Variants in PRRT4 observed in about 807,000 individuals in gnomAD.
The protein encoded by PRRT4 is proline-rich transmembrane protein 4.
In PRRT4, 59 loss-of-function variants were observed where a neutral mutation model predicts 55.6. The ratio of observed to expected loss-of-function variants is 1.06; its 90% CI spans 0.86 to 1.32. PRRT4 has a LOEUF of 1.32. PRRT4 is among the 40% of genes most tolerant of loss of function. The pLI is 0.00. For synonymous variants in PRRT4, 606 were observed against 601.8 expected, an observed-to-expected ratio of 1.01 and a Z score of -0.10; for missense variants, 1,217 against 1,222.0, an observed-to-expected ratio of 1.00 and a Z score of 0.06.
chr7:128,361,662 C>G (rs1435817578), exon 1 of PRRT4: 2 of 152,500 alleles, frequency 1.3e-5, no homozygotes, highest in African/African-American at 4.8e-5. Flanking sequence ...CGAAGCCGCC[C>G]GCGCCGGGGC....
upstream of PRRT4, chr7:128,361,731 TCTC>T (rs775740611): frequency 8.5e-4 from 127 of 149,490 alleles, no homozygotes; most frequent in Admixed American, 2.7e-3. Context: ...CCGCGCCCTC[TCTC>T]CTCCTCCTCC....
intron 4 of PRRT4, among the ~76,000 whole-genome samples, chr7:128,355,486 G>A (rs1228535269): frequency 3.3e-5 from 5 of 152,090 alleles, no homozygotes; most frequent in Non-Finnish European, 7.3e-5. Context: ...GTGAGCCACC[G>A]CGCCCGGCCA....
At chr7:128,351,873 G>C in exon 5 of PRRT4, 3 of 1,332,598 alleles carry the variant, frequency 2.3e-6, no homozygotes, top group Non-Finnish European at 2.9e-6. Context: ...CCGCCACCGG[G>C]GCCGTGCGCG....
intron 4 of PRRT4, among the ~76,000 whole-genome samples, chr7:128,353,757 T>C (rs1248328906): frequency 6.6e-6 from 1 of 152,192 alleles, no homozygotes; most frequent in Non-Finnish European, 1.5e-5. Flanking sequence ...GGGGACATCA[T>C]AGTGGGATAA....
At chr7:128,359,538 T>G (rs1337483589) in exon 2 of PRRT4, 1 of 1,484,718 alleles carries the variant, frequency 6.7e-7, no homozygotes, top group Admixed American at 2.5e-5. Flanking sequence ...CAGGTCACAG[T>G]GCTCCTCCTG....
chr7:128,351,412 T>A (rs1796963007), exon 5 of PRRT4: 1 of 1,538,230 alleles, frequency 6.5e-7, no homozygotes, highest in South Asian at 1.2e-5. Context: ...CACGGTGTAA[T>A]CGCTGCAGGG....
intron 1 of PRRT4, 91 bp from the exon 3 acceptor site, chr7:128,360,154 C>G (rs1194581382): frequency 2.0e-6 from 1 of 503,952 alleles, no homozygotes; most frequent in Non-Finnish European, 3.1e-6. Flanking sequence ...CTTCTGATCT[C>G]AGAGAAGCAG....
intron 4 of PRRT4, among the ~76,000 whole-genome samples, chr7:128,357,209 TACAC>T (rs763703914): frequency 1.3e-4 from 16 of 127,184 alleles, no homozygotes; most frequent in African/African-American, 4.4e-4. Flanking sequence ...TTGATACAAA[TACAC>T]ACACACACAC....
chr7:128,358,988 G>A lies in PRRT4; in HGVS notation c.757+161C>T, dbSNP rs187243766. On this transcript the variant is annotated intron_variant, in intron 3 of 4. Transcript: ENST00000535159. This position sits in a 1 kb window ranked among gnomAD's most constrained non-coding sequence, Gnocchi z 4.4. ...CAAAGAGCAAACCAGATTCAGTATG[G>A]CAAAGAGAATACTCCTTCCGTGGAA... Among the ~76,000 whole-genome samples, 46 of 152,312 alleles carry A rather than the reference G, an allele frequency of 3.0e-4. No homozygotes were observed. The highest frequency in any genetic ancestry group is 1.5e-5 in the Non-Finnish European group (1 of 68,026).
chr7:128,359,354 C>T (rs140509335), exon 2 of PRRT4: 110 of 1,475,928 alleles, frequency 7.5e-5, no homozygotes, highest in Admixed American at 3.8e-4. Context: ...GGGTCCCAGG[C>T]GCCCAGCAAT....
Position 128,351,677 on chromosome 7 carries a change from G to A in PRRT4, c.1879C>T (p.Pro627Ser), listed in dbSNP as rs532318746. Residue 627 changes from proline to serine, a missense_variant, in exon 5 of 5, where the codon CCT (proline) becomes TCT (serine). By Grantham distance (74) the Pro-to-Ser change is moderately conservative. Coordinates refer to ENST00000535159, the Ensembl canonical transcript of PRRT4. ...GCCCAGCAGCGCGGCGGCACGCGAG[G>A]ACTGCAGAGCGCCGGGTAGAGGCCC... The A allele has an allele frequency of 1.3e-4, 192 of 1,512,536 alleles. 1 individual carries two copies. In the South Asian group the frequency reaches 2.2e-3, roughly 17 times the overall value. The allele number at this position is 1,512,536 out of a possible 1,614,324, so 93.7% of individuals were successfully genotyped here.
At chr7:128,352,440 C>T (rs1478713189) in exon 5 of PRRT4, 1 of 1,537,640 alleles carries the variant, frequency 6.5e-7, no homozygotes, top group Non-Finnish European at 8.7e-7. Flanking sequence ...GGCCGAAGAG[C>T]GCGCCTACCC....
chr7:128,352,438 A>G, exon 5 of PRRT4: 1 of 1,537,654 alleles, frequency 6.5e-7, no homozygotes, highest in East Asian at 2.4e-5. Flanking sequence ...CAGGCCGAAG[A>G]GCGCGCCTAC....
intron 1 of PRRT4, among the ~76,000 whole-genome samples, chr7:128,360,991 A>C (rs983231681): frequency 5.1e-4 from 76 of 149,284 alleles, no homozygotes; most frequent in African/African-American, 1.6e-3. Context: ...GCGCGCGCAC[A>C]CACACACACA....
In PRRT4 at chr7:128,358,604, C is replaced by T. The variant is rs2116489248; in HGVS notation, c.877+77G>A. The stretch of plus-strand genomic sequence containing the variant: ...TGATGACAATGAAATAAAAGGGTCC[C>T]AGAACACTGATGAGTGACTAGCATG... On this transcript the variant is annotated intron_variant, in intron 4 of 4. Transcript: ENST00000535159. The surrounding 1 kb of genome is among the most constrained non-coding windows in gnomAD (Gnocchi z 4.4). The T allele has an allele frequency of 7.8e-7, 1 of 1,289,854 alleles. No homozygotes were observed. The highest frequency in any genetic ancestry group is 1.1e-6 in the Non-Finnish European group (1 of 915,168). 79.9% of individuals were successfully genotyped at this position (1,289,854 alleles called of 1,614,324 possible).
chr7:128,360,084 G>T, intron 1 of PRRT4, 21 bp from the exon 3 acceptor site: 1 of 1,062,276 alleles, frequency 9.4e-7, no homozygotes. Context: ...GAGAGGCCCT[G>T]TGAGCCCTGG....
exon 2 of PRRT4, chr7:128,359,399 G>C: frequency 6.8e-7 from 1 of 1,465,914 alleles, no homozygotes; most frequent in Non-Finnish European, 9.0e-7. Flanking sequence ...GGGCAGCAGG[G>C]GCAGCGTTCG....
In PRRT4 at chr7:128,356,859, G is replaced by T. The variant is rs530424691; in HGVS notation, c.877+1822C>A. Among the ~76,000 whole-genome samples, 160 of 152,324 alleles carry T rather than the reference G, an allele frequency of 1.1e-3. 1 individual carries two copies. The highest frequency in any genetic ancestry group is 2.0e-3 in the Non-Finnish European group (136 of 68,024). ...TCCCTCTCCCCACCCCCACCTCCAG[G>T]TTCATGGAGGGTGGTTACACTTTGT... On this transcript the variant is annotated intron_variant, in intron 4 of 4. Transcript: ENST00000535159.
chr7:128,352,283 T>C (rs1797003273), exon 5 of PRRT4: 3 of 1,543,600 alleles, frequency 1.9e-6, no homozygotes, highest in Non-Finnish European at 2.6e-6. Context: ...AGTCGATCCC[T>C]GTGCCCATAG....
Sources: gnomAD v4.1 joint callset for allele counts (sites outside exome capture counted in the v4.1 genomes callset) on GRCh38, gnomAD v4.1.1 for gene constraint, Gnocchi (gnomAD v3.1) non-coding constraint, MANE v1.5 for transcripts, NCBI Gene and HGNC (gene_info 2026-07-23, HGNC 2026-07-21) for gene names.